Variants in PDE7B observed in about 807,000 individuals in gnomAD.
PDE7B encodes 3',5'-cyclic-AMP phosphodiesterase 7B.
PDE7B carries 29 observed loss-of-function variants against 56.2 expected under a neutral mutation model. The observed-to-expected ratio is 0.52, with a 90% CI of 0.38 to 0.70. The LOEUF is 0.70. Ranked by LOEUF, PDE7B falls within the 30% of genes least tolerant of loss-of-function variation. The pLI is 0.00. For synonymous variants in PDE7B, 197 were observed against 196.9 expected (o/e 1.00, Z 0.00); for missense variants, 490 against 565.0 (o/e 0.87, Z 1.35).
chr6:135,985,898 C>G lies in PDE7B; in HGVS notation c.82+38374C>G, dbSNP rs538350105. 2.0e-5 allele frequency among the ~76,000 whole-genome samples: 3 copies of G among 152,244 alleles called. No individual in the cohort carries two copies. In the East Asian group the frequency reaches 5.8e-4, roughly 29 times the overall value. ...ACAACGTGTTTTCTGTCTCCAGATC[C>G]CTACAGCCAGGTGTTTGTGAGGCTG... is the stretch of plus-strand genomic sequence containing the variant. On this transcript the variant is annotated intron_variant, in intron 2 of 12. Coordinates refer to ENST00000308191, the MANE Select transcript of PDE7B (RefSeq NM_018945.4).
chr6:136,093,203 T>C (rs1242939256), intron 2 of PDE7B, among the ~76,000 whole-genome samples: 1 of 152,198 alleles, frequency 6.6e-6, no homozygotes, highest in Non-Finnish European at 1.5e-5. Context: ...CAGGGGTATG[T>C]TTAATGCACA....
At chr6:135,922,436 A>G (rs1774101573) in intron 1 of PDE7B, among the ~76,000 whole-genome samples, 1 of 152,134 alleles carries the variant, frequency 6.6e-6, no homozygotes, top group Non-Finnish European at 1.5e-5. Context: ...TCTTATTCAT[A>G]TGGAAGTACA....
intron 2 of PDE7B, among the ~76,000 whole-genome samples, chr6:136,062,261 G>A (rs548796369): frequency 6.6e-6 from 1 of 152,176 alleles, no homozygotes. Flanking sequence ...GTTTAAAGTA[G>A]ACAACATGAT....
chr6:136,031,801 G>A (rs1210996145), intron 2 of PDE7B, among the ~76,000 whole-genome samples: 1 of 149,348 alleles, frequency 6.7e-6, no homozygotes, highest in Non-Finnish European at 1.5e-5. Context: ...CTTTTGTTAT[G>A]TCATTTATAT....
chr6:135,913,043 C>A (rs1031073524), intron 1 of PDE7B, among the ~76,000 whole-genome samples: 1 of 152,152 alleles, frequency 6.6e-6, no homozygotes, highest in Admixed American at 6.5e-5. Flanking sequence ...GACTCTAAAT[C>A]CCATTCTCTT....
rs528773780 is a variant in PDE7B at position 136,002,840 on chromosome 6, A to G, written c.82+55316A>G. Among the ~76,000 whole-genome samples the G allele has an allele frequency of 5.9e-5, 9 of 152,218 alleles. No homozygotes were observed. The East Asian group carries it at 1.6e-3, about 26-fold the overall frequency. On this transcript the variant is annotated intron_variant, in intron 2 of 12. Transcript: ENST00000308191. ...ACCCAGGAATTGAACTCAGCTCTGC[A>G]CCAAGTGGACCTAATAGACATCTAC...
In PDE7B at chr6:136,192,143, C is replaced by A; in HGVS notation, c.*303C>A. 1 of 413,298 alleles carries A rather than the reference C, an allele frequency of 2.4e-6. No individual in the cohort carries two copies. 25.6% of individuals were successfully genotyped at this position (413,298 alleles called of 1,614,324 possible). On this transcript the variant is annotated 3_prime_UTR_variant, in exon 13 of 13. Transcript: ENST00000308191. The stretch of plus-strand genomic sequence containing the variant: ...AGGAGGAAGAATGAGGTGCTCCTGC[C>A]GTGTCCGCCTTGTTCCGGGTCGCAC...
chr6:136,182,200 C>A (rs73555088), intron 11 of PDE7B, among the ~76,000 whole-genome samples: 16,005 of 152,160 alleles, frequency 0.11, 2,803 homozygotes, highest in African/African-American at 0.36. Flanking sequence ...GCCCCAAAGA[C>A]AGAAGAATTG....
intron 1 of PDE7B, among the ~76,000 whole-genome samples, chr6:135,880,806 G>A (rs1301026533): frequency 6.6e-6 from 1 of 152,194 alleles, no homozygotes; most frequent in African/African-American, 2.4e-5. Context: ...AAGAGAAGCA[G>A]TTGTGTTCAC....
Position 135,994,202 on chromosome 6 carries a change from A to C in PDE7B, c.82+46678A>C, listed in dbSNP as rs547721092. Among the ~76,000 whole-genome samples the C allele has an allele frequency of 2.0e-5, 3 of 151,116 alleles. No individual in the cohort carries two copies. In the East Asian group the frequency reaches 5.8e-4, roughly 29 times the overall value. On this transcript the variant is annotated intron_variant, in intron 2 of 12. Transcript: ENST00000308191. ...TAAGAAGGGAGGTGGGAAGGAGAGG[A>C]CATTGGCCTAATTACCACTGAGATT...
chr6:135,883,661 C>T (rs982748539), intron 1 of PDE7B, among the ~76,000 whole-genome samples: 8 of 152,156 alleles, frequency 5.3e-5, no homozygotes, highest in African/African-American at 1.9e-4. Flanking sequence ...TGGCACTGAA[C>T]TAGGCTGTGT....
chr6:136,011,253 G>T (rs1775890076), intron 2 of PDE7B, among the ~76,000 whole-genome samples: 1 of 152,230 alleles, frequency 6.6e-6, no homozygotes, highest in Middle Eastern at 3.4e-3. Context: ...TATCAAGAGA[G>T]CAGGGTATCA....
At chr6:135,954,530 A>G (rs1774754805) in intron 2 of PDE7B, among the ~76,000 whole-genome samples, 2 of 152,188 alleles carry the variant, frequency 1.3e-5, no homozygotes, top group Non-Finnish European at 2.9e-5. Flanking sequence ...AACTATCCTA[A>G]GAGGAAGATT....
chr6:136,171,695 G>C (rs1282519507), intron 8 of PDE7B, among the ~76,000 whole-genome samples: 1 of 151,328 alleles, frequency 6.6e-6, no homozygotes, highest in African/African-American at 2.4e-5. Flanking sequence ...GTGCAGGTTA[G>C]TTACATATGT....
chr6:136,156,512 G>A (rs1466993009), intron 8 of PDE7B, among the ~76,000 whole-genome samples: 1 of 152,128 alleles, frequency 6.6e-6, no homozygotes, highest in East Asian at 1.9e-4. Context: ...GCCCGACCGA[G>A]AAGGATCTCT....
chr6:135,854,943 T>C (rs769862244), intron 1 of PDE7B, among the ~76,000 whole-genome samples: 13 of 152,244 alleles, frequency 8.5e-5, no homozygotes, highest in Non-Finnish European at 1.5e-4. Flanking sequence ...GCATTTATAC[T>C]TTCTACTTTC....
intron 2 of PDE7B, among the ~76,000 whole-genome samples, chr6:135,986,961 G>A (rs1775387078): frequency 6.6e-6 from 1 of 152,186 alleles, no homozygotes; most frequent in African/African-American, 2.4e-5. Flanking sequence ...TTTTTCACCT[G>A]CAGATAGCCT....
chr6:136,029,629 T>C (rs1776206019), intron 2 of PDE7B, among the ~76,000 whole-genome samples: 1 of 152,192 alleles, frequency 6.6e-6, no homozygotes, highest in South Asian at 2.1e-4. Context: ...TTAGTATGCA[T>C]ATCCTATAAA....
At chr6:135,971,712 A>T (rs1453973095) in intron 2 of PDE7B, among the ~76,000 whole-genome samples, 1 of 152,204 alleles carries the variant, frequency 6.6e-6, no homozygotes, top group Non-Finnish European at 1.5e-5. Context: ...ATGGTTAAGC[A>T]AGTGTCTTAA....
Sources: gnomAD v4.1 joint callset for allele counts (sites outside exome capture counted in the v4.1 genomes callset) on GRCh38, gnomAD v4.1.1 for gene constraint, MANE v1.5 for transcripts, NCBI Gene and HGNC (gene_info 2026-07-23, HGNC 2026-07-21) for gene names.